Variants in NFU1 observed in about 807,000 individuals in gnomAD.
The protein encoded by NFU1 is NFU1 iron-sulfur cluster scaffold.
A neutral mutation model predicts 32.2 loss-of-function variants in NFU1; 30 were observed. That is an observed-to-expected ratio of 0.93 (90% CI 0.70 to 1.26). The LOEUF is 1.26. Among genes scored for constraint, NFU1 ranks in the 50% most tolerant of loss-of-function variants. The pLI, the probability that NFU1 is intolerant of heterozygous loss-of-function variation, is 0.00. For missense variants in NFU1, 306 were observed against 306.6 expected, an observed-to-expected ratio of 1.00 and a Z score of 0.02; for synonymous variants, 112 against 104.6, an observed-to-expected ratio of 1.07 and a Z score of -0.43.
chr2:69,400,475 C>T lies in NFU1; in HGVS notation c.609G>A (p.Gln203=), dbSNP rs1672487089. The T allele has an allele frequency of 9.9e-6, 16 of 1,614,006 alleles. No homozygotes were observed. The highest frequency in any genetic ancestry group is 1.4e-5 in the Non-Finnish European group (16 of 1,180,012). The change falls in exon 7 of 8, where the codon CAG becomes CAA. Residue 203 remains glutamine (Q), a synonymous_variant. Coordinates refer to ENST00000410022, the MANE Select transcript of NFU1 (RefSeq NM_001002755.4). Reference sequence around the variant, plus strand: ...TGGTACAAGAACCCTGGAGTTTCAGCTGTACAATGCCATCTTCAAAGCCTT... The same window carrying T: ...TGGTACAAGAACCCTGGAGTTTCAGTTGTACAATGCCATCTTCAAAGCCTT... ...IYKGFEDGIV[Q]LKLQGSCTSC...
intron 6 of NFU1, 30 bp downstream of exon 6, chr2:69,405,992 T>C (rs367903200): frequency 1.9e-4 from 281 of 1,456,900 alleles, no homozygotes; most frequent in Middle Eastern, 1.4e-3. Flanking sequence ...TCCAAAGCAC[T>C]TGAATTCAGG....
chr2:69,434,987 A>C (rs72907089), intron 1 of NFU1, among the ~76,000 whole-genome samples: 8,043 of 152,232 alleles, frequency 0.053, 649 homozygotes, highest in African/African-American at 0.18. Context: ...GAAATGCAAA[A>C]ACCTGAAAAG....
At chr2:69,425,191 A>T (rs924363916) in intron 2 of NFU1, among the ~76,000 whole-genome samples, 10 of 151,032 alleles carry the variant, frequency 6.6e-5, no homozygotes, top group African/African-American at 1.5e-4. Flanking sequence ...GGCTTTTTTT[A>T]AAAAAAATCT....
chr2:69,437,144 G>A, intron 1 of NFU1: 1 of 1,014,502 alleles, frequency 9.9e-7, no homozygotes, highest in Non-Finnish European at 1.4e-6. Context: ...AGCCTGAGAG[G>A]AAGCTCCAGA....
intron 1 of NFU1, among the ~76,000 whole-genome samples, chr2:69,433,813 A>C (rs1475300309): frequency 2.6e-5 from 4 of 151,744 alleles, no homozygotes; most frequent in Non-Finnish European, 2.9e-5. Flanking sequence ...TTGTTCTGTC[A>C]CCCATGCTGG....
intron 6 of NFU1, among the ~76,000 whole-genome samples, chr2:69,404,527 T>C (rs1672631255): frequency 6.7e-6 from 1 of 148,992 alleles, no homozygotes; most frequent in Admixed American, 6.7e-5. Flanking sequence ...AATGGCTAAA[T>C]CAAGCTAATT....
At chr2:69,411,187 AT>A (rs1314613213) in intron 5 of NFU1, 1 of 152,156 alleles carries the variant, frequency 6.6e-6, no homozygotes, top group Non-Finnish European at 1.5e-5. Context: ...AGAAAAACAA[AT>A]CCCACAGTGA....
chr2:69,424,610 T>C (rs1044363472), intron 2 of NFU1, among the ~76,000 whole-genome samples: 3 of 152,084 alleles, frequency 2.0e-5, no homozygotes, highest in Non-Finnish European at 4.4e-5. Context: ...ATTTAAATAG[T>C]TGTGTTATGA....
chr2:69,401,304 T>G (rs1416896756), intron 6 of NFU1, among the ~76,000 whole-genome samples: 1 of 152,172 alleles, frequency 6.6e-6, no homozygotes, highest in Non-Finnish European at 1.5e-5. Flanking sequence ...ATATCACCAC[T>G]GATGAGTTTT....
intron 7 of NFU1, among the ~76,000 whole-genome samples, 199 bp downstream of exon 7, chr2:69,400,165 G>A (rs958057257): frequency 2.6e-5 from 4 of 152,084 alleles, no homozygotes; most frequent in East Asian, 1.9e-4. Flanking sequence ...GAGCCACTGC[G>A]CCCAGCCCAA....
chr2:69,405,978 T>C, intron 6 of NFU1, 44 bp downstream of exon 6: 1 of 1,227,122 alleles, frequency 8.1e-7, no homozygotes, highest in Non-Finnish European at 1.2e-6. Flanking sequence ...TAATGAAAAA[T>C]GCCTCCAAAG....
At chr2:69,437,968 G>A (rs1162181976), upstream of NFU1, among the ~76,000 whole-genome samples, 2 of 152,218 alleles carry the variant, frequency 1.3e-5, no homozygotes, top group Non-Finnish European at 2.9e-5. Flanking sequence ...AACCCGCACA[G>A]AGGATGTATC....
At position 69,437,151 on chromosome 2, in the gene NFU1, CAG is replaced by C. The variant is rs1002959951; in HGVS notation, c.62+208_62+209del. On this transcript the variant is annotated intron_variant, in intron 1 of 7. Transcript: ENST00000410022. ...GGTCTCTGAGCCTGAGAGGAAGCTC[CAG>C]AGAGTCCGCCCGGATTAGGCCACAG... The C allele has an allele frequency of 6.0e-5, 67 of 1,124,478 alleles. No homozygotes were observed. In the Middle Eastern group the frequency reaches 2.6e-3, roughly 44 times the overall value. 69.7% of individuals were successfully genotyped at this position (1,124,478 alleles called of 1,614,324 possible).
intron 2 of NFU1, among the ~76,000 whole-genome samples, chr2:69,429,465 G>A (rs1280938125): frequency 2.0e-5 from 3 of 151,926 alleles, no homozygotes; most frequent in Non-Finnish European, 4.4e-5. Context: ...GGAGGCTAAG[G>A]CAAGAGGACT....
chr2:69,428,014 C>A (rs1489706098), intron 2 of NFU1, among the ~76,000 whole-genome samples: 1 of 152,102 alleles, frequency 6.6e-6, no homozygotes, highest in Non-Finnish European at 1.5e-5. Context: ...CAGAGCAAGA[C>A]TCTGTCTCAA....
At chr2:69,430,777 A>AG (rs1216032353) in intron 2 of NFU1, among the ~76,000 whole-genome samples, 1 of 152,256 alleles carries the variant, frequency 6.6e-6, no homozygotes, top group African/African-American at 2.4e-5. Context: ...GCAAGCCTGC[A>AG]GGAAAGTGTT....
intron 1 of NFU1, among the ~76,000 whole-genome samples, chr2:69,432,819 T>C (rs1439737276): frequency 6.6e-6 from 1 of 152,100 alleles, no homozygotes; most frequent in Non-Finnish European, 1.5e-5. Context: ...TTACCTGTTT[T>C]GAAAAGTATT....
chr2:69,412,073 A>G (rs1388146666), intron 5 of NFU1, among the ~76,000 whole-genome samples: 1 of 151,904 alleles, frequency 6.6e-6, no homozygotes, highest in East Asian at 1.9e-4. Context: ...TGGCGGGGGG[A>G]CGGAGTCTCG....
intron 4 of NFU1, among the ~76,000 whole-genome samples, chr2:69,418,737 G>C (rs1194622216): frequency 6.6e-6 from 1 of 151,946 alleles, no homozygotes; most frequent in East Asian, 2.0e-4. Flanking sequence ...CCAAAGTGCT[G>C]GGATTACAGG....
Sources: allele counts gnomAD v4.1 joint callset (sites outside exome capture counted in the v4.1 genomes callset), GRCh38; gene constraint gnomAD v4.1.1; transcripts MANE v1.5; gene names NCBI Gene and HGNC (gene_info 2026-07-23, HGNC 2026-07-21).